The following KLC1 variants were observed in gnomAD, a reference collection of about 807,000 sequenced individuals.
The protein encoded by KLC1 is kinesin 2 60/70kDa.
Under a neutral mutation model 84.2 loss-of-function variants are expected in KLC1, and 30 were observed. That is an observed-to-expected ratio of 0.36 (90% confidence interval 0.27 to 0.48). The LOEUF (loss-of-function observed/expected upper bound fraction) is 0.48, where lower values mean the gene tolerates loss of function less well. Ranked by LOEUF, KLC1 falls within the 20% of genes least tolerant of loss-of-function variation. KLC1 has a pLI of 0.99. For synonymous variants in KLC1, 289 were observed against 293.3 expected (o/e 0.99, Z 0.15); for missense variants, 499 against 805.4 (o/e 0.62, Z 4.60).
chr14:103,669,415 C>T (rs2080188086), intron 5 of KLC1, 96 bp from the exon 6 acceptor site: 1 of 647,236 alleles, frequency 1.5e-6, no homozygotes, highest in African/African-American at 1.9e-5. Flanking sequence ...ACCTGTGCAA[C>T]AGAGTCAGAC....
At chr14:103,665,026 T>C (rs2079638295) in intron 5 of KLC1, among the ~76,000 whole-genome samples, 1 of 152,230 alleles carries the variant, frequency 6.6e-6, no homozygotes, top group South Asian at 2.1e-4. Flanking sequence ...CCTAGCATTA[T>C]AGTGTGAGAG....
At chr14:103,657,502 C>T in intron 2 of KLC1, 44 bp from the exon 3 acceptor site, 2 of 1,530,808 alleles carry the variant, frequency 1.3e-6, no homozygotes, top group Non-Finnish European at 1.8e-6. Flanking sequence ...GGGACTCTTG[C>T]TGGACAACGT....
At chr14:103,632,199 G>A (rs2076738815) in intron 1 of KLC1, among the ~76,000 whole-genome samples, 1 of 151,994 alleles carries the variant, frequency 6.6e-6, no homozygotes, top group South Asian at 2.1e-4. Flanking sequence ...GCCGAGGCAG[G>A]TGGATCACCT....
intron 7 of KLC1, among the ~76,000 whole-genome samples, chr14:103,670,629 C>G (rs576238466): frequency 1.3e-5 from 2 of 151,708 alleles, no homozygotes; most frequent in Non-Finnish European, 2.9e-5. Flanking sequence ...CCACTGTGCC[C>G]GGCGCTGTTT....
intron 1 of KLC1, among the ~76,000 whole-genome samples, chr14:103,654,083 G>C (rs2078667605): frequency 6.6e-6 from 1 of 152,182 alleles, no homozygotes; most frequent in South Asian, 2.1e-4. Context: ...TTCCAGGTCT[G>C]CTCCTCCCCT....
chr14:103,672,225 G>T (rs1018395116), intron 7 of KLC1, among the ~76,000 whole-genome samples: 4 of 152,176 alleles, frequency 2.6e-5, no homozygotes, highest in African/African-American at 9.7e-5. Flanking sequence ...GGGGGAGGTA[G>T]GGAATGCAGA....
At chr14:103,690,473 C>T (rs147826625) in intron 14 of KLC1, among the ~76,000 whole-genome samples, 2 of 152,328 alleles carry the variant, frequency 1.3e-5, no homozygotes, top group Non-Finnish European at 2.9e-5. Context: ...ATGTGCCAGG[C>T]GCTGTGCTCA....
intron 5 of KLC1, among the ~76,000 whole-genome samples, chr14:103,666,352 C>T (rs370343057): frequency 2.0e-4 from 31 of 151,922 alleles, no homozygotes; most frequent in African/African-American, 7.2e-4. Flanking sequence ...CATGAGCCAC[C>T]GTGCCCGGCC....
chr14:103,695,186 TG>T, intron 15 of KLC1: 1 of 867,354 alleles, frequency 1.2e-6, no homozygotes, highest in East Asian at 1.2e-4. Flanking sequence ...CTGGGTGCGG[TG>T]GTTCATGCCA....
chr14:103,699,492 C>T (rs771142980), intron 15 of KLC1: 2 of 1,612,860 alleles, frequency 1.2e-6, no homozygotes, highest in Non-Finnish European at 1.7e-6. Flanking sequence ...AATGGGGCTG[C>T]CACCGAGTCG....
intron 14 of KLC1, among the ~76,000 whole-genome samples, chr14:103,691,572 G>A (rs1377875120): frequency 3.5e-5 from 5 of 144,614 alleles, no homozygotes; most frequent in Non-Finnish European, 7.4e-5. Flanking sequence ...GGGTTCAAAT[G>A]ATTTTCCTGC....
At chr14:103,672,090 G>C (rs1274226303) in intron 7 of KLC1, among the ~76,000 whole-genome samples, 2 of 152,228 alleles carry the variant, frequency 1.3e-5, no homozygotes, top group Non-Finnish European at 2.9e-5. Context: ...AGAATAGAGA[G>C]CTCTGGGAGG....
intron 1 of KLC1, among the ~76,000 whole-genome samples, chr14:103,639,106 T>C (rs192550063): frequency 3.7e-4 from 57 of 152,336 alleles, no homozygotes; most frequent in African/African-American, 1.4e-3. Context: ...GTTATTTCGA[T>C]AAAATATTAC....
rs1219293965 is a variant in KLC1 at position 103,672,998 on chromosome 14, T to G, written c.988-16T>G. ...AGCAGAACAAGTGTCTCTAATATGC[T>G]GTTTTTTATTTTCAGGTTTTGGGGA... is the stretch of plus-strand genomic sequence containing the variant. On this transcript the variant is annotated splice_polypyrimidine_tract_variant and intron_variant, in intron 7 of 16. Transcript: ENST00000334553. 2 of 1,613,106 alleles carry G rather than the reference T, an allele frequency of 1.2e-6. No homozygotes were observed. Among genetic ancestry groups the G allele is most frequent in the Non-Finnish European group, 1.7e-6 (2 of 1,179,164 alleles).
rs1228453871 is a variant in KLC1 at position 103,694,478 on chromosome 14, T to C, written c.1848+2053T>C. The C allele has an allele frequency of 1.0e-6, 1 of 985,366 alleles. No homozygotes were observed. The highest frequency in any genetic ancestry group is 1.7e-5 in the African/African-American group (1 of 57,224). The allele number at this position is 985,366 out of a possible 1,614,324, so 61.0% of individuals were successfully genotyped here. On this transcript the variant is annotated intron_variant, in intron 15 of 16. Transcript: ENST00000334553. The surrounding 1 kb of genome is among the most constrained non-coding windows in gnomAD (Gnocchi z 4.5). ...TTTCACTTTTTAAAAGCTTAAGCTT[T>C]ATGGAATGAGGGAGCACGGTGGACT...
At chr14:103,651,470 T>C (rs1414161556) in intron 1 of KLC1, among the ~76,000 whole-genome samples, 7 of 152,340 alleles carry the variant, frequency 4.6e-5, no homozygotes, top group Middle Eastern at 3.4e-3. Context: ...TATTTTATTT[T>C]TCCTAAATAG....
chr14:103,670,194 T>C lies in KLC1; in HGVS notation c.898T>C (p.Leu300=), dbSNP rs1229298502. 2 of 1,612,308 alleles carry C rather than the reference T, an allele frequency of 1.2e-6. No homozygotes were observed. Among genetic ancestry groups the C allele is most frequent in the Non-Finnish European group, 1.7e-6 (2 of 1,178,838 alleles). ...GKDHPAVAAT[L]NNLAVLYGKR... is the part of the protein sequence containing the mutation. ...TCTGTGTTGACAGGTGGCGGCGACTTTGAATAACCTTGCAGTCCTTTATGG... is the reference window on the plus strand; with the variant it reads ...TCTGTGTTGACAGGTGGCGGCGACTCTGAATAACCTTGCAGTCCTTTATGG... Residue 300 remains leucine (L), a synonymous_variant, in exon 7 of 17, where the codon TTG becomes CTG. Transcript: ENST00000334553.
rs549712427 is a variant in KLC1, at chr14:103,684,724, G to A, written c.1651-2357G>A. On this transcript the variant is annotated intron_variant, in intron 13 of 16. Transcript: ENST00000334553. Reference sequence around the variant, plus strand: ...AGCATGAGTGAGCGTGTGTGCACGCGTGTGTGTGTGTGTCACATGAAATAC... The same window carrying A: ...AGCATGAGTGAGCGTGTGTGCACGCATGTGTGTGTGTGTCACATGAAATAC... The A allele has an allele frequency of 3.4e-5, 12 of 351,200 alleles. 1 individual carries two copies. Among genetic ancestry groups the A allele is most frequent in the Non-Finnish European group, 6.0e-5 (11 of 184,734 alleles). The allele number at this position is 351,200 out of a possible 1,614,324, so 21.8% of individuals were successfully genotyped here.
intron 15 of KLC1, chr14:103,699,167 T>A (rs145063633): frequency 8.3e-6 from 13 of 1,567,550 alleles, no homozygotes; most frequent in Non-Finnish European, 1.1e-5. Flanking sequence ...TGCTCCTCCA[T>A]GGCCTCTGTC....
Sources: allele counts gnomAD v4.1 joint callset (sites outside exome capture counted in the v4.1 genomes callset), GRCh38; gene constraint gnomAD v4.1.1; non-coding constraint Gnocchi (gnomAD v3.1); transcripts MANE v1.5; gene names NCBI Gene and HGNC (gene_info 2026-07-23, HGNC 2026-07-21).